PPP2R5C: variants seen among roughly 807,000 people sequenced by gnomAD.
The protein encoded by PPP2R5C is protein phosphatase 2 regulatory subunit B'gamma.
A neutral mutation model predicts 68.9 loss-of-function variants in PPP2R5C; 7 were observed. That is an observed-to-expected ratio of 0.10 (90% CI 0.06 to 0.19). PPP2R5C has a LOEUF of 0.19. Among genes scored for constraint, PPP2R5C ranks in the 10% least tolerant of loss-of-function variants. The pLI is 1.00. For synonymous variants in PPP2R5C, 210 were observed against 222.2 expected, an observed-to-expected ratio of 0.95 and a Z score of 0.49; for missense variants, 348 against 641.3, an observed-to-expected ratio of 0.54 and a Z score of 4.94.
chr14:101,901,938 G>C, intron 9 of PPP2R5C, 49 bp downstream of exon 11: 1 of 1,581,530 alleles, frequency 6.3e-7, no homozygotes, highest in Non-Finnish European at 8.6e-7. Context: ...TGTTCATTTG[G>C]GAAAGGAAAA....
chr14:101,781,459 C>T lies in PPP2R5C; in HGVS notation c.94-4559C>T, dbSNP rs1032922361. ...CTCACTCCTGTTGTCGCTGCAGACC[C>T]GCGTGGGCTCCCGCCGGGCCCTCCT... On this transcript the variant is annotated intron_variant, in intron 2 of 14. Transcript: ENST00000328724. This position sits in a 1 kb window ranked among gnomAD's most constrained non-coding sequence, Gnocchi z 6.4. 4.6e-5 allele frequency among the ~76,000 whole-genome samples: 7 copies of T among 152,134 alleles called. No homozygotes were observed. The highest frequency in any genetic ancestry group is 1.0e-4 in the Non-Finnish European group (7 of 67,992).
exon 2 of PPP2R5C, chr14:101,762,944 G>A (rs2036631286): frequency 6.3e-7 from 1 of 1,581,784 alleles, no homozygotes; most frequent in Non-Finnish European, 8.6e-7. Context: ...AAGTTCAAAA[G>A]AAGGACAAGA....
At chr14:101,875,586 A>AG (rs2043712301) in intron 2 of PPP2R5C, among the ~76,000 whole-genome samples, 1 of 152,154 alleles carries the variant, frequency 6.6e-6, no homozygotes, top group Admixed American at 6.5e-5. Context: ...GCACAGTGGT[A>AG]GGTGCTGGGA....
At chr14:101,804,632 CAT>C (rs2039003776) in intron 3 of PPP2R5C, among the ~76,000 whole-genome samples, 2 of 152,244 alleles carry the variant, frequency 1.3e-5, no homozygotes, top group Admixed American at 1.3e-4. Context: ...ACAAACATCA[CAT>C]GTTCTCACAT....
chr14:101,836,463 A>G (rs1462440168), intron 1 of PPP2R5C: 3 of 664,006 alleles, frequency 4.5e-6, no homozygotes, highest in Non-Finnish European at 8.3e-6. Flanking sequence ...TAAATGAGTC[A>G]TTCTGTTATT....
intron 2 of PPP2R5C, among the ~76,000 whole-genome samples, chr14:101,862,608 A>G (rs1678019): frequency 0.38 from 57,296 of 152,042 alleles, 13,316 homozygotes; most frequent in African/African-American, 0.66. Flanking sequence ...TGTCAACTAC[A>G]TTGTCTGTGT....
chr14:101,816,192 C>T (rs991727480), intron 1 of PPP2R5C, among the ~76,000 whole-genome samples: 1 of 152,178 alleles, frequency 6.6e-6, no homozygotes, highest in Non-Finnish European at 1.5e-5. Flanking sequence ...TTACACAAGG[C>T]GGCTGGTTGA....
intron 13 of PPP2R5C, chr14:101,921,046 A>G (rs2141196964): frequency 6.2e-6 from 1 of 160,418 alleles, no homozygotes; most frequent in Non-Finnish European, 1.3e-5. Flanking sequence ...TTGAAATGAT[A>G]AATTCTGCTT....
chr14:101,888,706 C>A lies in PPP2R5C; in HGVS notation c.630-1531C>A, dbSNP rs2044674117. ...TTCCAGGTTCAAGTGATCCTCCCAC[C>A]TCAGCCTCCCACATATGTGGGATTA... On this transcript the variant is annotated intron_variant, in intron 5 of 13. Transcript: ENST00000334743. This position sits in a 1 kb window ranked among gnomAD's most constrained non-coding sequence, Gnocchi z 5.6. Among the ~76,000 whole-genome samples, 1 of 152,218 alleles carries A rather than the reference C, an allele frequency of 6.6e-6. No homozygotes were observed. Among genetic ancestry groups the A allele is most frequent in the Non-Finnish European group, 1.5e-5 (1 of 68,048 alleles).
intron 1 of PPP2R5C, chr14:101,824,082 CT>C: frequency 7.8e-7 from 1 of 1,289,164 alleles, no homozygotes; most frequent in Non-Finnish European, 1.0e-6. Context: ...CCAGGACTGA[CT>C]TTCCACTTGA....
intron 2 of PPP2R5C, among the ~76,000 whole-genome samples, chr14:101,870,414 C>T (rs2043328764): frequency 6.6e-6 from 1 of 152,222 alleles, no homozygotes; most frequent in Non-Finnish European, 1.5e-5. Flanking sequence ...GTTGAAAAGA[C>T]TGATGAATAT....
intron 3 of PPP2R5C, among the ~76,000 whole-genome samples, chr14:101,788,987 A>G (rs1459125914): frequency 6.6e-6 from 1 of 152,090 alleles, no homozygotes; most frequent in Non-Finnish European, 1.5e-5. Flanking sequence ...TGACTGGGTT[A>G]TATTTTTTCC....
chr14:101,913,397 A>G lies in PPP2R5C; in HGVS notation c.1326+924A>G, dbSNP rs1369024702. Among the ~76,000 whole-genome samples, 10 of 152,252 alleles carry G rather than the reference A, an allele frequency of 6.6e-5. No individual in the cohort carries two copies. On this transcript the variant is annotated intron_variant, in intron 12 of 13. Coordinates refer to ENST00000334743, the Ensembl canonical transcript of PPP2R5C. The surrounding 1 kb of genome is among the most constrained non-coding windows in gnomAD (Gnocchi z 4.1). ...TATACATGAATATAAAGTTAAAAGT[A>G]TATCTTTACCTATATAACAACATAC...
Position 101,917,699 on chromosome 14 carries a change from T to A in PPP2R5C, c.1327-132T>A. ...ATCATGTTGCAGGTGTAGGCGAGTC[T>A]CCCACTGAGTGGGCTTCCTGCGGGA... On this transcript the variant is annotated intron_variant, in intron 12 of 13. Transcript: ENST00000334743. The surrounding 1 kb of genome is among the most constrained non-coding windows in gnomAD (Gnocchi z 4.4). 8.0e-7 allele frequency: 1 copy of A among 1,248,548 alleles called. No homozygotes were observed. The highest frequency in any genetic ancestry group is 1.1e-6 in the Non-Finnish European group (1 of 897,962). The allele number at this position is 1,248,548 out of a possible 1,614,324, so 77.3% of individuals were successfully genotyped here.
At chr14:101,902,515 CATT>C (rs149008236) in intron 9 of PPP2R5C, among the ~76,000 whole-genome samples, 1,803 of 152,308 alleles carry the variant, frequency 0.012, 42 homozygotes, top group African/African-American at 0.041. Context: ...CCTTTTGCAT[CATT>C]GAGCGGATTT....
intron 2 of PPP2R5C, among the ~76,000 whole-genome samples, chr14:101,768,911 G>A (rs1033115977): frequency 4.7e-5 from 7 of 149,738 alleles, no homozygotes; most frequent in East Asian, 2.0e-4. Context: ...TGCCAGCTCC[G>A]CCTCCCGGAT....
intron 1 of PPP2R5C, among the ~76,000 whole-genome samples, chr14:101,812,261 T>C (rs151174830): frequency 1.3e-5 from 2 of 152,306 alleles, no homozygotes; most frequent in African/African-American, 4.8e-5. Context: ...AAGGAGCGAA[T>C]GGAGAGACCC....
At chr14:101,772,446 CTTAT>C (rs990865063) in intron 2 of PPP2R5C, among the ~76,000 whole-genome samples, 28 of 152,084 alleles carry the variant, frequency 1.8e-4, no homozygotes, top group South Asian at 6.2e-4. Flanking sequence ...GACATTTTCT[CTTAT>C]TTATTTATTT....
chr14:101,926,068 G>A (rs1425231812), exon 14 of PPP2R5C: 1 of 152,262 alleles, frequency 6.6e-6, no homozygotes, highest in Non-Finnish European at 1.5e-5. Context: ...TTTATTTGCA[G>A]ATTTCGTTTC....
Sources: allele counts gnomAD v4.1 joint callset (sites outside exome capture counted in the v4.1 genomes callset), GRCh38; gene constraint gnomAD v4.1.1; non-coding constraint Gnocchi (gnomAD v3.1); transcripts MANE v1.5; gene names NCBI Gene and HGNC (gene_info 2026-07-23, HGNC 2026-07-21).